KPNA3: variants seen among roughly 807,000 people sequenced by gnomAD.
The protein encoded by KPNA3 is importin subunit alpha-4.
In KPNA3, 13 loss-of-function variants were observed where a neutral mutation model predicts 73.8. That is an observed-to-expected ratio of 0.18 (90% CI 0.11 to 0.28). The LOEUF (loss-of-function observed/expected upper bound fraction) is 0.28. Ranked by LOEUF, KPNA3 falls within the 10% of genes least tolerant of loss-of-function variation. The pLI is 1.00. For synonymous variants in KPNA3, 186 were observed against 206.9 expected (o/e 0.90, Z 0.87); for missense variants, 360 against 618.1 (o/e 0.58, Z 4.43).
chr13:49,746,805 A>G (rs1954620971), intron 2 of KPNA3, 144 bp downstream of exon 2: 6 of 620,726 alleles, frequency 9.7e-6, no homozygotes, highest in Non-Finnish European at 1.4e-5. Context: ...GCTATTATGA[A>G]TAAGTACCAT....
At chr13:49,761,248 GTCTCCC>G (rs1255881639) in intron 1 of KPNA3, among the ~76,000 whole-genome samples, 2 of 151,284 alleles carry the variant, frequency 1.3e-5, no homozygotes, top group Non-Finnish European at 3.0e-5. Flanking sequence ...TCTCCCCACA[GTCTCCC>G]TCTCCCTCTC....
chr13:49,731,252 T>G (rs1019992397), intron 6 of KPNA3, among the ~76,000 whole-genome samples: 1 of 143,166 alleles, frequency 7.0e-6, no homozygotes, highest in Non-Finnish European at 1.5e-5. Context: ...TTTTCGTGTT[T>G]TTTTTTTTTT....
chr13:49,787,744 A>C (rs1954996073), intron 1 of KPNA3, among the ~76,000 whole-genome samples: 1 of 144,202 alleles, frequency 6.9e-6, no homozygotes, highest in Non-Finnish European at 1.5e-5. Context: ...CAGTGGTGCG[A>C]TCTTGACTCA....
rs55725741 is a variant in KPNA3, at chr13:49,730,519, C to CAAAAAAAAAAAAAAAAAAAAAAAA, written c.383+1828_383+1851dup. ...TGGGCAACAGAGCGAGACTCTGTCTCAAAAAAAAAAAAAAAAAAAAAAAAA... is the reference window on the plus strand; with the variant it reads ...TGGGCAACAGAGCGAGACTCTGTCTCAAAAAAAAAAAAAAAAAAAAAAAAAAAAAAAAAAAAAAAAAAAAAAAAA... On this transcript the variant is annotated intron_variant, in intron 6 of 16. Transcript: ENST00000261667. 1.5e-4 allele frequency among the ~76,000 whole-genome samples: 4 copies of CAAAAAAAAAAAAAAAAAAAAAAAA among 27,294 alleles called. 1 individual carries two copies. Among genetic ancestry groups the CAAAAAAAAAAAAAAAAAAAAAAAA allele is most frequent in the Non-Finnish European group, 1.9e-4 (3 of 15,770 alleles). The allele number at this position is 27,294 out of a possible 152,430, so 17.9% of individuals were successfully genotyped here. A position where few individuals can be genotyped will look rare whatever the true frequency, so the allele number is the denominator to read the frequency against.
At chr13:49,745,120 A>ATAAC (rs1432220999) in intron 2 of KPNA3, among the ~76,000 whole-genome samples, 2 of 152,178 alleles carry the variant, frequency 1.3e-5, no homozygotes, top group African/African-American at 4.8e-5. Flanking sequence ...GCTTGGTTGA[A>ATAAC]TAACTAAATG....
rs566974676 is a variant in KPNA3, at chr13:49,700,669, T to A, written c.*1131A>T. The A allele has an allele frequency of 4.7e-4, 72 of 152,782 alleles. 1 individual carries two copies. Among genetic ancestry groups the A allele is most frequent in the African/African-American group, 1.7e-3 (69 of 41,584 alleles). The allele number at this position is 152,782 out of a possible 1,614,324, so 9.5% of individuals were successfully genotyped here. ...CTCAAAGAATGAACTCTTATGACAC[T>A]TCTAAATAGTTGCTGGTTTGTTGCC... On this transcript the variant is annotated 3_prime_UTR_variant, in exon 17 of 17. Transcript: ENST00000261667.
chr13:49,788,733 TTTTTTAAA>T lies in KPNA3; in HGVS notation c.69+3697_69+3704del, dbSNP rs1433783760. On this transcript the variant is annotated intron_variant, in intron 1 of 16. Transcript: ENST00000261667. The stretch of plus-strand genomic sequence containing the variant: ...CCAGACCCTCTTTTTTTTTTTTTTT[TTTTTTAAA>T]AAAAAAAAGCACATTCCAGAACAAA... Among the ~76,000 whole-genome samples the T allele has an allele frequency of 3.6e-5, 4 of 110,182 alleles. No individual in the cohort carries two copies. The Admixed American group carries it at 3.7e-4, about 10-fold the overall frequency. The allele number at this position is 110,182 out of a possible 152,430, so 72.3% of individuals were successfully genotyped here. A position where few individuals can be genotyped will look rare whatever the true frequency, so the allele number is the denominator to read the frequency against.
At chr13:49,758,605 G>A (rs1412768470) in intron 1 of KPNA3, among the ~76,000 whole-genome samples, 2 of 152,040 alleles carry the variant, frequency 1.3e-5, no homozygotes, top group Non-Finnish European at 2.9e-5. Flanking sequence ...TTTGGCCTAG[G>A]AGAAAGACGG....
At chr13:49,728,618 G>A (rs1431385315) in intron 6 of KPNA3, among the ~76,000 whole-genome samples, 4 of 152,134 alleles carry the variant, frequency 2.6e-5, no homozygotes, top group African/African-American at 9.7e-5. Flanking sequence ...AAGTACAATC[G>A]AAGCAAAAGT....
intron 2 of KPNA3, among the ~76,000 whole-genome samples, chr13:49,735,462 A>G (rs1954513797): frequency 6.6e-6 from 1 of 152,282 alleles, no homozygotes; most frequent in South Asian, 2.1e-4. Context: ...AGCCAAGGAA[A>G]AATAATCACT....
In KPNA3 at chr13:49,722,071, G is replaced by C. The variant is rs1326039478; in HGVS notation, c.610C>G (p.Leu204Val). The C allele has an allele frequency of 6.2e-7, 1 of 1,611,650 alleles. No homozygotes were observed. The highest frequency in any genetic ancestry group is 1.3e-5 in the African/African-American group (1 of 74,832). ...ATGGAGGGACTGATGAAGGACAGAAGAGGTTTGACAACTCCCAGTGATATG... is the reference window on the plus strand; with the variant it reads ...ATGGAGGGACTGATGAAGGACAGAACAGGTTTGACAACTCCCAGTGATATG... ...YVISLGVVKP[L>V]LSFISPSIPI... The change falls in exon 9 of 17, where the codon CTT becomes GTT. Residue 204 changes from leucine to valine, a missense_variant. Around this residue, in one of 3 missense-constraint regions of KPNA3, gnomAD observed 287 missense variants for 549.1 expected, o/e 0.52. Coordinates refer to ENST00000261667, the MANE Select transcript of KPNA3 (RefSeq NM_002267.4).
At chr13:49,715,375 C>T (rs1031073165) in intron 10 of KPNA3, among the ~76,000 whole-genome samples, 2 of 152,030 alleles carry the variant, frequency 1.3e-5, no homozygotes, top group African/African-American at 4.8e-5. Context: ...CGCAAAGATA[C>T]AAATTAAAAT....
chr13:49,787,155 G>T (rs1368429922), intron 1 of KPNA3, among the ~76,000 whole-genome samples: 1 of 152,214 alleles, frequency 6.6e-6, no homozygotes, highest in East Asian at 1.9e-4. Context: ...TTTTGCAGGT[G>T]AGAAAATATA....
At chr13:49,759,741 G>A (rs1954742792) in intron 1 of KPNA3, among the ~76,000 whole-genome samples, 1 of 152,144 alleles carries the variant, frequency 6.6e-6, no homozygotes, top group Admixed American at 6.5e-5. Flanking sequence ...AAGCAATGAG[G>A]AGCAGCTGTA....
chr13:49,703,455 CA>C (rs1954170543), intron 15 of KPNA3, among the ~76,000 whole-genome samples: 1 of 152,170 alleles, frequency 6.6e-6, no homozygotes, highest in Non-Finnish European at 1.5e-5. Flanking sequence ...GCTGGGATTA[CA>C]GGAGTGAGCC....
At chr13:49,726,389 G>A (rs1458404449) in intron 6 of KPNA3, among the ~76,000 whole-genome samples, 1 of 152,228 alleles carries the variant, frequency 6.6e-6, no homozygotes, top group Non-Finnish European at 1.5e-5. Context: ...GAAAGGCAGT[G>A]ACAGTGGGAA....
intron 1 of KPNA3, among the ~76,000 whole-genome samples, chr13:49,756,114 C>CA (rs951977116): frequency 4.0e-5 from 6 of 151,086 alleles, no homozygotes; most frequent in Non-Finnish European, 5.9e-5. Flanking sequence ...CAAAAAAAAG[C>CA]AAAAAAAAAT....
chr13:49,768,829 C>T lies in KPNA3; in HGVS notation c.70-21836G>A, dbSNP rs372773324. Among the ~76,000 whole-genome samples the T allele has an allele frequency of 1.2e-4, 18 of 152,226 alleles. 1 individual carries two copies. The East Asian group carries it at 2.5e-3, about 21-fold the overall frequency. On this transcript the variant is annotated intron_variant, in intron 1 of 16. Coordinates refer to ENST00000261667, the MANE Select transcript of KPNA3 (RefSeq NM_002267.4). ...CAAGAATTTGGACAGATCTTATATG[C>T]GAATTTTTTTGGACTCACTTTCTTT...
chr13:49,770,154 A>AT (rs950378459), intron 1 of KPNA3, among the ~76,000 whole-genome samples: 6 of 131,992 alleles, frequency 4.5e-5, no homozygotes. Context: ...ATGATGTGCA[A>AT]TTTTTTCCTC....
Sources: gnomAD v4.1 joint callset for allele counts (sites outside exome capture counted in the v4.1 genomes callset) on GRCh38, gnomAD v4.1.1 for gene constraint, gnomAD v4.1.1 regional missense constraint, MANE v1.5 for transcripts, NCBI Gene and HGNC (gene_info 2026-07-23, HGNC 2026-07-21) for gene names.